Variants in DENND4C observed in about 807,000 individuals in gnomAD.
The protein encoded by DENND4C is DENN domain containing 4C, also known as DENN domain-containing protein 4C.
In DENND4C, 108 loss-of-function variants were observed where a neutral mutation model predicts 203.0. The ratio of observed to expected loss-of-function variants is 0.53; its 90% CI spans 0.46 to 0.62. The LOEUF (loss-of-function observed/expected upper bound fraction) is 0.62. Ranked by LOEUF, DENND4C falls within the 20% of genes least tolerant of loss-of-function variation. The probability of loss-of-function intolerance (pLI) is 0.00; values close to 1 mark genes in which losing one functional copy is unlikely to be tolerated. For missense variants in DENND4C, 2,481 were observed against 2,301.2 expected (o/e 1.08, Z -1.60); for synonymous variants, 871 against 792.4 (o/e 1.10, Z -1.67).
intron 1 of DENND4C, among the ~76,000 whole-genome samples, chr9:19,262,299 G>C (rs1829575576): frequency 6.6e-6 from 1 of 151,790 alleles, no homozygotes. Context: ...TGTTGGCCAG[G>C]CTGGTCTTGA....
chr9:19,371,641 T>C, intron 31 of DENND4C, 115 bp from the exon 32 acceptor site: 1 of 585,092 alleles, frequency 1.7e-6, no homozygotes, highest in Non-Finnish European at 3.1e-6. Flanking sequence ...GACATTGACA[T>C]AGTTATATTA....
chr9:19,269,691 C>A (rs1374044403), intron 1 of DENND4C, among the ~76,000 whole-genome samples: 2 of 152,184 alleles, frequency 1.3e-5, no homozygotes, highest in Non-Finnish European at 2.9e-5. Context: ...TTCTTTAAAA[C>A]AGCTATTTTG....
At chr9:19,303,091 G>A (rs984951033) in intron 9 of DENND4C, among the ~76,000 whole-genome samples, 4 of 151,754 alleles carry the variant, frequency 2.6e-5, no homozygotes, top group African/African-American at 9.7e-5. Flanking sequence ...TTGGATTGAG[G>A]ACTTTTTTGG....
chr9:19,247,921 A>T (rs960540108), intron 1 of DENND4C, among the ~76,000 whole-genome samples: 1 of 151,964 alleles, frequency 6.6e-6, no homozygotes. Flanking sequence ...TTTACCTTCA[A>T]ACTATATCCC....
At position 19,369,818 on chromosome 9, in the gene DENND4C, A is replaced by C; in HGVS notation, c.5525-19A>C. On this transcript the variant is annotated intron_variant, in intron 30 of 32. Transcript: ENST00000434457. ...AATAGTAATAATTGAAAAAAAACTT[A>C]CTGTGTTCTTATTGTTAGATTCTGA... 1 of 1,471,864 alleles carries C rather than the reference A, an allele frequency of 6.8e-7. No individual in the cohort carries two copies. 91.2% of individuals were successfully genotyped at this position (1,471,864 alleles called of 1,614,324 possible). A position where few individuals can be genotyped will look rare whatever the true frequency, so the allele number is the denominator to read the frequency against.
At chr9:19,314,369 G>A (rs1462717164) in intron 10 of DENND4C, among the ~76,000 whole-genome samples, 1 of 151,944 alleles carries the variant, frequency 6.6e-6, no homozygotes, top group Non-Finnish European at 1.5e-5. Flanking sequence ...CAGGAGAATC[G>A]CTTGAACCTG....
chr9:19,258,462 G>A (rs773463044), intron 1 of DENND4C, among the ~76,000 whole-genome samples: 6 of 152,104 alleles, frequency 3.9e-5, no homozygotes, highest in Admixed American at 6.6e-5. Context: ...GTAGCAAATA[G>A]AATTCAAGAA....
intron 30 of DENND4C, among the ~76,000 whole-genome samples, chr9:19,368,257 ATTTT>A (rs145197314): frequency 1.8e-5 from 2 of 110,794 alleles, no homozygotes; most frequent in Non-Finnish European, 3.7e-5. Context: ...GGACTTTGCT[ATTTT>A]TTTTTTTTTT....
chr9:19,282,715 C>CTTTTTTTTTTGTTTTTTTT (rs1834348189), intron 2 of DENND4C, among the ~76,000 whole-genome samples: 1 of 86,638 alleles, frequency 1.2e-5, no homozygotes, highest in African/African-American at 4.4e-5. Context: ...TTTCTTCTCT[C>CTTTTTTTTTTGTTTTTTTT]TTTTTTTTTT....
intron 10 of DENND4C, among the ~76,000 whole-genome samples, chr9:19,305,737 T>A (rs1452193178): frequency 6.6e-6 from 1 of 152,192 alleles, no homozygotes; most frequent in Non-Finnish European, 1.5e-5. Flanking sequence ...TAGTTTATAT[T>A]TGGGTAACAA....
chr9:19,282,267 A>AT (rs1588835022), intron 2 of DENND4C, among the ~76,000 whole-genome samples: 3 of 150,780 alleles, frequency 2.0e-5, no homozygotes, highest in African/African-American at 7.3e-5. Flanking sequence ...TTTATTTTTT[A>AT]TTTTTTGAGA....
chr9:19,261,414 G>A (rs761750700), intron 1 of DENND4C, among the ~76,000 whole-genome samples: 105 of 149,822 alleles, frequency 7.0e-4, no homozygotes, highest in Non-Finnish European at 1.3e-3. Context: ...TATTTTGATA[G>A]GGATTGCATT....
intron 10 of DENND4C, among the ~76,000 whole-genome samples, chr9:19,309,925 A>G (rs564544286): frequency 1.3e-5 from 2 of 152,300 alleles, no homozygotes; most frequent in East Asian, 1.9e-4. Flanking sequence ...AATATGACCC[A>G]TGAATGTGAT....
intron 1 of DENND4C, among the ~76,000 whole-genome samples, chr9:19,257,227 G>T (rs1307760298): frequency 6.6e-6 from 1 of 151,712 alleles, no homozygotes; most frequent in African/African-American, 2.4e-5. Flanking sequence ...GCGGTGGCTT[G>T]CACCTGTAAT....
chr9:19,282,711 C>CTTTTTTTTTTTTTT, intron 2 of DENND4C, among the ~76,000 whole-genome samples: 1 of 85,778 alleles, frequency 1.2e-5, no homozygotes. Context: ...TTTTTTTCTT[C>CTTTTTTTTTTTTTT]TCTCTTTTTT....
Position 19,328,239 on chromosome 9 carries a change from A to G in DENND4C, c.2253+77A>G, listed in dbSNP as rs1448275081. 19 of 1,341,434 alleles carry G rather than the reference A, an allele frequency of 1.4e-5. 1 individual carries two copies. The highest frequency in any genetic ancestry group is 1.9e-5 in the Non-Finnish European group (19 of 994,376). 83.1% of individuals were successfully genotyped at this position (1,341,434 alleles called of 1,614,324 possible). A position where few individuals can be genotyped will look rare whatever the true frequency, so the allele number is the denominator to read the frequency against. ...ATGTGATATGCAGCTCATAGTTTAG[A>G]ATGATCACCCACAACAACCATTTGA... On this transcript the variant is annotated intron_variant, in intron 16 of 32. Transcript: ENST00000434457.
At chr9:19,350,407 A>G (rs899443867) in intron 23 of DENND4C, among the ~76,000 whole-genome samples, 1 of 152,326 alleles carries the variant, frequency 6.6e-6, no homozygotes, top group Admixed American at 6.5e-5. Context: ...CATTGGAGAC[A>G]GTGGGCTCCC....
intron 27 of DENND4C, chr9:19,357,515 C>G (rs1825678036): frequency 4.2e-6 from 1 of 239,894 alleles, no homozygotes; most frequent in African/African-American, 2.3e-5. Flanking sequence ...CTATTGTATG[C>G]TAAATATTAT....
chr9:19,285,260 T>C (rs1010929357), intron 2 of DENND4C, among the ~76,000 whole-genome samples: 2 of 152,156 alleles, frequency 1.3e-5, no homozygotes, highest in African/African-American at 2.4e-5. Context: ...AAAGAGGCTT[T>C]ATAGTACATT....
Sources: allele counts gnomAD v4.1 joint callset (sites outside exome capture counted in the v4.1 genomes callset), GRCh38; gene constraint gnomAD v4.1.1; transcripts MANE v1.5; gene names NCBI Gene and HGNC (gene_info 2026-07-23, HGNC 2026-07-21).